CCDC6: variants seen among roughly 807,000 people sequenced by gnomAD.
CCDC6 encodes the protein coiled-coil domain-containing protein 6.
In CCDC6, 20 loss-of-function variants were observed where a neutral mutation model predicts 56.6. The observed-to-expected ratio is 0.35, with a 90% CI of 0.25 to 0.51. The LOEUF (loss-of-function observed/expected upper bound fraction) is 0.51. Among genes scored for constraint, CCDC6 ranks in the 20% least tolerant of loss-of-function variants. The probability of loss-of-function intolerance (pLI) is 0.95; values close to 1 mark genes in which losing one functional copy is unlikely to be tolerated. For synonymous variants in CCDC6, 241 were observed against 234.4 expected (o/e 1.03, Z -0.26); for missense variants, 367 against 601.1 (o/e 0.61, Z 4.07).
intron 1 of CCDC6, among the ~76,000 whole-genome samples, chr10:59,879,772 C>G (rs534142667): frequency 6.6e-6 from 1 of 152,160 alleles, no homozygotes; most frequent in Non-Finnish European, 1.5e-5. Flanking sequence ...CAATATTACT[C>G]AACCAAAGCC....
At chr10:59,852,744 GT>G in intron 1 of CCDC6, 42 bp from the exon 2 acceptor site, 1 of 1,438,208 alleles carries the variant, frequency 7.0e-7, no homozygotes, top group African/African-American at 1.5e-5. Flanking sequence ...CAAAACACAT[GT>G]TAAGGAAACA....
chr10:59,878,062 G>A (rs1300880416), intron 1 of CCDC6, among the ~76,000 whole-genome samples: 4 of 152,190 alleles, frequency 2.6e-5, no homozygotes, highest in South Asian at 4.1e-4. Context: ...TGGAATAAAT[G>A]GCCATATACT....
chr10:59,807,225 T>A, intron 5 of CCDC6, 147 bp from the exon 6 acceptor site: 4 of 697,508 alleles, frequency 5.7e-6, no homozygotes, highest in Non-Finnish European at 9.3e-6. Context: ...TGGCTCACAC[T>A]TGTAATCCTG....
At chr10:59,850,884 G>A (rs966847551) in intron 2 of CCDC6, among the ~76,000 whole-genome samples, 6 of 151,598 alleles carry the variant, frequency 4.0e-5, no homozygotes, top group Non-Finnish European at 8.8e-5. Context: ...ATGTGCTTAT[G>A]TTTTCATTCT....
rs1285752300 is a variant in CCDC6, at chr10:59,812,618, A to G, written c.847+17T>C. ...AATTCTACAGGCATGAAACTAGTGA[A>G]ACCAGAGGCTACGTACGCTGTAACT... On this transcript the variant is annotated intron_variant, in intron 5 of 8. Coordinates refer to ENST00000263102, the MANE Select transcript of CCDC6 (RefSeq NM_005436.5). The G allele has an allele frequency of 1.3e-6, 2 of 1,587,722 alleles. No homozygotes were observed. Among genetic ancestry groups the G allele is most frequent in the Admixed American group, 3.4e-5 (2 of 58,346 alleles).
chr10:59,826,022 TGGGGTCCCATCAA>T (rs2070785279), intron 3 of CCDC6, among the ~76,000 whole-genome samples: 1 of 152,158 alleles, frequency 6.6e-6, no homozygotes, highest in Non-Finnish European at 1.5e-5. Context: ...CCCTGGAAGC[TGGGGTCCCATCAA>T]GCCCCTTTAA....
chr10:59,833,651 G>A, intron 2 of CCDC6, among the ~76,000 whole-genome samples: 1 of 135,488 alleles, frequency 7.4e-6, no homozygotes, highest in African/African-American at 2.6e-5. Flanking sequence ...GGGGGGGGGG[G>A]GGGTTTGTTG....
intron 3 of CCDC6, among the ~76,000 whole-genome samples, chr10:59,826,808 C>T (rs991814119): frequency 2.0e-5 from 3 of 152,168 alleles, no homozygotes; most frequent in Admixed American, 6.5e-5. Context: ...ATGATATACA[C>T]ACTTATTTTC....
chr10:59,896,873 C>T (rs1157230389), intron 1 of CCDC6, among the ~76,000 whole-genome samples: 1 of 152,052 alleles, frequency 6.6e-6, no homozygotes, highest in African/African-American at 2.4e-5. Context: ...CAAAAAAAGT[C>T]ACTGGTACTC....
In CCDC6 at chr10:59,789,184, C is replaced by A. The variant is rs556978744; in HGVS notation, c.*3733G>T. On this transcript the variant is annotated 3_prime_UTR_variant, in exon 9 of 9. Transcript: ENST00000263102. Reference sequence around the variant, plus strand: ...GTTTTTGCCAGGATGAAGTTCAGACCGAGATGTACAATACAATCTAGATGA... The same window carrying A: ...GTTTTTGCCAGGATGAAGTTCAGACAGAGATGTACAATACAATCTAGATGA... 4.3e-6 allele frequency: 1 copy of A among 230,482 alleles called. No individual in the cohort carries two copies. Among genetic ancestry groups the A allele is most frequent in the Non-Finnish European group, 8.6e-6 (1 of 116,176 alleles). 14.3% of individuals were successfully genotyped at this position (230,482 alleles called of 1,614,324 possible). A position where few individuals can be genotyped will look rare whatever the true frequency, so the allele number is the denominator to read the frequency against.
chr10:59,906,548 G>C lies in CCDC6; in HGVS notation c.-124C>G, dbSNP rs568769196. On this transcript the variant is annotated 5_prime_UTR_variant, in exon 1 of 9. Coordinates refer to ENST00000263102, the MANE Select transcript of CCDC6 (RefSeq NM_005436.5). The stretch of plus-strand genomic sequence containing the variant: ...CGCCGAGCTGAGCGCCTGGCACCAG[G>C]GCGCAGACTCGGAGCGGCGGCGAGA... 1.2e-6 allele frequency: 1 copy of C among 811,244 alleles called. No individual in the cohort carries two copies. Among genetic ancestry groups the C allele is most frequent in the African/African-American group, 1.8e-5 (1 of 54,266 alleles). 50.3% of individuals were successfully genotyped at this position (811,244 alleles called of 1,614,324 possible). A position where few individuals can be genotyped will look rare whatever the true frequency, so the allele number is the denominator to read the frequency against.
intron 2 of CCDC6, among the ~76,000 whole-genome samples, chr10:59,843,695 TGATAGTAACTTGCTCCA>T (rs1346234451): frequency 1.3e-5 from 2 of 152,212 alleles, no homozygotes; most frequent in African/African-American, 4.8e-5. Flanking sequence ...TAGCCTAGGA[TGATAGTAACTTGCTCCA>T]GAAAATTCCA....
At chr10:59,861,053 G>A (rs1237146211) in intron 1 of CCDC6, among the ~76,000 whole-genome samples, 2 of 152,010 alleles carry the variant, frequency 1.3e-5, no homozygotes, top group Admixed American at 6.6e-5. Context: ...AAACTTACCT[G>A]GCCGTGGTAG....
chr10:59,828,233 G>A (rs2070805349), intron 3 of CCDC6, among the ~76,000 whole-genome samples: 1 of 152,172 alleles, frequency 6.6e-6, no homozygotes, highest in Non-Finnish European at 1.5e-5. Context: ...AAATCTGCAA[G>A]TCAGGGTTTA....
At chr10:59,876,053 A>G (rs2071276117) in intron 1 of CCDC6, among the ~76,000 whole-genome samples, 1 of 121,058 alleles carries the variant, frequency 8.3e-6, no homozygotes, top group Non-Finnish European at 1.6e-5. Flanking sequence ...ACACACATAC[A>G]CGAGTGCATG....
chr10:59,902,429 T>C lies in CCDC6; in HGVS notation c.303+3693A>G, dbSNP rs142611483. Among the ~76,000 whole-genome samples the C allele has an allele frequency of 1.0e-3, 143 of 142,290 alleles. 1 individual carries two copies. Among genetic ancestry groups the C allele is most frequent in the African/African-American group, 3.6e-3 (135 of 37,646 alleles). 93.3% of individuals were successfully genotyped at this position (142,290 alleles called of 152,430 possible). Reference sequence around the variant, plus strand: ...TTTTTTTTGAGATGAAGTCTGGCTCTGTCACCCAGACTGGAGTGCAGTGGT... The same window carrying C: ...TTTTTTTTGAGATGAAGTCTGGCTCCGTCACCCAGACTGGAGTGCAGTGGT... On this transcript the variant is annotated intron_variant, in intron 1 of 8. Coordinates refer to ENST00000263102, the MANE Select transcript of CCDC6 (RefSeq NM_005436.5).
Position 59,852,704 on chromosome 10 carries a change from T to G in CCDC6, c.304-2A>C. On this transcript the variant is annotated splice_acceptor_variant, in intron 1 of 8. Coordinates refer to ENST00000263102, the MANE Select transcript of CCDC6 (RefSeq NM_005436.5). LOFTEE classifies it high-confidence loss of function. ...TTCTTCCTGCTCAGCCCTGGCTTGC[T>G]GTTTAAAAAAAAAAAAGGAAAGAAC... The G allele has an allele frequency of 6.6e-7, 1 of 1,522,672 alleles. No individual in the cohort carries two copies. The highest frequency in any genetic ancestry group is 8.7e-7 in the Non-Finnish European group (1 of 1,148,292). The allele number at this position is 1,522,672 out of a possible 1,614,324, so 94.3% of individuals were successfully genotyped here.
intron 1 of CCDC6, among the ~76,000 whole-genome samples, chr10:59,876,242 T>C (rs2071279239): frequency 6.6e-6 from 1 of 151,650 alleles, no homozygotes; most frequent in African/African-American, 2.4e-5. Context: ...AGAGACGGGG[T>C]TTCTCCATGT....
chr10:59,798,084 T>G (rs2070540023), intron 7 of CCDC6, among the ~76,000 whole-genome samples: 1 of 152,220 alleles, frequency 6.6e-6, no homozygotes, highest in African/African-American at 2.4e-5. Flanking sequence ...TGTGGCTAGC[T>G]TTCTTTACAC....
Sources: allele counts gnomAD v4.1 joint callset (sites outside exome capture counted in the v4.1 genomes callset), GRCh38; gene constraint gnomAD v4.1.1; transcripts MANE v1.5; gene names NCBI Gene and HGNC (gene_info 2026-07-23, HGNC 2026-07-21).